The following ARHGAP15 variants were observed in gnomAD, a reference collection of about 807,000 sequenced individuals.
ARHGAP15 encodes the protein Rho GTPase activating protein 15.
A neutral mutation model predicts 63.7 loss-of-function variants in ARHGAP15; 51 were observed. The ratio of observed to expected loss-of-function variants is 0.80; its 90% confidence interval spans 0.64 to 1.01. The LOEUF (loss-of-function observed/expected upper bound fraction) is 1.01. ARHGAP15 is among the 50% of genes least tolerant of loss of function. The pLI, the probability that ARHGAP15 is intolerant of heterozygous loss-of-function variation, is 0.00. For missense variants in ARHGAP15, 560 were observed against 564.6 expected (o/e 0.99, Z 0.08); for synonymous variants, 191 against 193.8 (o/e 0.99, Z 0.12).
intron 6 of ARHGAP15, among the ~76,000 whole-genome samples, chr2:143,409,254 AAAC>A (rs1362098247): frequency 2.0e-5 from 3 of 152,024 alleles, no homozygotes; most frequent in Non-Finnish European, 2.9e-5. Context: ...TACCAATAGA[AAAC>A]AACAACAACA....
intron 11 of ARHGAP15, among the ~76,000 whole-genome samples, chr2:143,583,914 A>G (rs1223251990): frequency 6.6e-6 from 1 of 152,220 alleles, no homozygotes; most frequent in African/African-American, 2.4e-5. Flanking sequence ...CACAATTTCA[A>G]CTAAACTTTA....
In ARHGAP15 at chr2:143,364,172, G is replaced by A. The variant is rs1188983179; in HGVS notation, c.475-71429G>A. ...TCGCAATAAGCCAAAAATCAGAGAG[G>A]AAACAGTAGCAAAAAAACAAACAAC... On this transcript the variant is annotated intron_variant, in intron 6 of 13. Coordinates refer to ENST00000295095, the MANE Select transcript of ARHGAP15 (RefSeq NM_018460.4). Among the ~76,000 whole-genome samples the A allele has an allele frequency of 4.1e-5, 6 of 147,768 alleles. No individual in the cohort carries two copies. In the South Asian group the frequency reaches 6.5e-4, roughly 16 times the overall value.
chr2:143,419,150 GA>G (rs35621298), intron 6 of ARHGAP15, among the ~76,000 whole-genome samples: 1 of 150,626 alleles, frequency 6.6e-6, no homozygotes, highest in Non-Finnish European at 1.5e-5. Context: ...GAAATTCTAA[GA>G]AAAAAAAACC....
chr2:143,182,423 G>A (rs1054499287), intron 2 of ARHGAP15, among the ~76,000 whole-genome samples: 1 of 152,080 alleles, frequency 6.6e-6, no homozygotes, highest in African/African-American at 2.4e-5. Context: ...ATAAGGTGAA[G>A]CACAATAAAA....
intron 6 of ARHGAP15, among the ~76,000 whole-genome samples, chr2:143,384,956 G>A (rs1687215748): frequency 6.6e-6 from 1 of 152,122 alleles, no homozygotes; most frequent in African/African-American, 2.4e-5. Flanking sequence ...TTCCTTTATA[G>A]AAAGATACTT....
chr2:143,529,129 A>C (rs771198029), intron 10 of ARHGAP15, among the ~76,000 whole-genome samples: 36 of 152,004 alleles, frequency 2.4e-4, no homozygotes, highest in Non-Finnish European at 5.0e-4. Context: ...AACTTTTTTG[A>C]ACTAAACTCA....
intron 10 of ARHGAP15, among the ~76,000 whole-genome samples, chr2:143,525,769 G>A (rs1694245514): frequency 1.3e-5 from 2 of 151,988 alleles, no homozygotes; most frequent in Admixed American, 1.3e-4. Context: ...TAGGGCTCGA[G>A]GGGAAGACAA....
intron 12 of ARHGAP15, among the ~76,000 whole-genome samples, chr2:143,687,976 AAAT>A (rs1683424658): frequency 6.6e-6 from 1 of 152,214 alleles, no homozygotes; most frequent in African/African-American, 2.4e-5. Context: ...ACAGATTAAA[AAAT>A]AATAAATATT....
At chr2:143,724,263 G>A (rs1468885781) in intron 13 of ARHGAP15, among the ~76,000 whole-genome samples, 5 of 152,130 alleles carry the variant, frequency 3.3e-5, no homozygotes, top group Admixed American at 1.3e-4. Context: ...GACTCTAACC[G>A]TGTCACCTTG....
At chr2:143,401,674 G>A (rs996245913) in intron 6 of ARHGAP15, among the ~76,000 whole-genome samples, 4 of 151,898 alleles carry the variant, frequency 2.6e-5, no homozygotes, top group African/African-American at 9.7e-5. Flanking sequence ...TCAGAGCCTT[G>A]TAGTTTAGAA....
At chr2:143,132,739 C>T (rs1052568535) in intron 1 of ARHGAP15, among the ~76,000 whole-genome samples, 2 of 152,198 alleles carry the variant, frequency 1.3e-5, no homozygotes, top group African/African-American at 4.8e-5. Context: ...GGACAAAAGC[C>T]TCAAAATTCT....
At chr2:143,348,472 AC>A (rs1685402049) in intron 6 of ARHGAP15, among the ~76,000 whole-genome samples, 1 of 152,142 alleles carries the variant, frequency 6.6e-6, no homozygotes, top group South Asian at 2.1e-4. Flanking sequence ...TTAAAAAAAA[AC>A]TGTTATTTTC....
chr2:143,686,383 CAAAAAAAAAAAAAAAA>C (rs35554349), intron 12 of ARHGAP15, among the ~76,000 whole-genome samples: 15 of 55,076 alleles, frequency 2.7e-4, no homozygotes, highest in South Asian at 2.1e-3. Context: ...GACTCTGTCT[CAAAAAAAAAAAAAAAA>C]AAAAAAAAAA....
At chr2:143,722,964 A>T (rs72994467) in intron 13 of ARHGAP15, among the ~76,000 whole-genome samples, 1 of 152,242 alleles carries the variant, frequency 6.6e-6, no homozygotes, top group Non-Finnish European at 1.5e-5. Context: ...ATTTAAGTAC[A>T]GTCACACACC....
rs561122221 is a variant in ARHGAP15 at position 143,559,963 on chromosome 2, T to C, written c.1003+3478T>C. 4.5e-4 allele frequency among the ~76,000 whole-genome samples: 68 copies of C among 152,368 alleles called. 1 individual carries two copies. In the South Asian group the frequency reaches 9.9e-3, roughly 22 times the overall value. ...TTTATTTTCTAGAAGGCTCTAAATA[T>C]ACATTTTTAAACAAGTAAGCCCTGC... On this transcript the variant is annotated intron_variant, in intron 11 of 13. Coordinates refer to ENST00000295095, the MANE Select transcript of ARHGAP15 (RefSeq NM_018460.4).
At position 143,216,414 on chromosome 2, in the gene ARHGAP15, GCTAAAATTGCAGATGGAGGAAAGAAACT is replaced by G. The variant is rs1377857950; in HGVS notation, c.266_293del (p.Ala89GlufsTer31). The G allele has an allele frequency of 6.2e-7, 1 of 1,610,856 alleles. No homozygotes were observed. Among genetic ancestry groups the G allele is most frequent in the Non-Finnish European group, 8.5e-7 (1 of 1,178,780 alleles). On this transcript the variant is annotated frameshift_variant, in exon 4 of 14. Coordinates refer to ENST00000295095, the MANE Select transcript of ARHGAP15 (RefSeq NM_018460.4). LOFTEE classifies it high-confidence loss of function. The stretch of plus-strand genomic sequence containing the variant: ...TGAAAAAGAAGGTTATCTGCAAAAA[GCTAAAATTGCAGATGGAGGAAAGAAACT>G]AAGGTAATAAAATTCTTTAATTCAC...
intron 6 of ARHGAP15, among the ~76,000 whole-genome samples, chr2:143,382,704 A>G (rs889482202): frequency 6.6e-6 from 1 of 152,166 alleles, no homozygotes; most frequent in African/African-American, 2.4e-5. Context: ...CTTGCTTCCG[A>G]AAGAAATGTT....
intron 8 of ARHGAP15, among the ~76,000 whole-genome samples, chr2:143,486,470 G>A (rs1323712779): frequency 2.0e-5 from 3 of 151,936 alleles, no homozygotes; most frequent in African/African-American, 4.8e-5. Context: ...GGGAGGCTGG[G>A]GTGGGAGGAT....
chr2:143,225,082 T>C (rs1693153932), intron 4 of ARHGAP15, among the ~76,000 whole-genome samples: 1 of 152,232 alleles, frequency 6.6e-6, no homozygotes, highest in African/African-American at 2.4e-5. Context: ...CAGGGCCCCA[T>C]GCTCAGAAGG....
Sources: allele counts gnomAD v4.1 joint callset (sites outside exome capture counted in the v4.1 genomes callset), GRCh38; gene constraint gnomAD v4.1.1; transcripts MANE v1.5; gene names NCBI Gene and HGNC (gene_info 2026-07-23, HGNC 2026-07-21).